The following LGSN variants were observed in gnomAD, a reference collection of about 807,000 sequenced individuals.
LGSN encodes lengsin.
Under a neutral mutation model 19.5 loss-of-function variants are expected in LGSN, and 21 were observed. That is an observed-to-expected ratio of 1.07 (90% CI 0.76 to 1.55). The LOEUF (loss-of-function observed/expected upper bound fraction) is 1.55. Ranked by LOEUF, LGSN falls within the 40% of genes most tolerant of loss-of-function variation. LGSN has a pLI of 0.00. For synonymous variants in LGSN, 257 were observed against 215.6 expected, an observed-to-expected ratio of 1.19 and a Z score of -1.68; for missense variants, 673 against 608.5, an observed-to-expected ratio of 1.11 and a Z score of -1.12.
At chr6:63,347,004 C>T in the LGSN span, among the ~76,000 whole-genome samples, 13 of 152,226 alleles carry the variant, frequency 8.5e-5, no homozygotes, top group East Asian at 1.5e-3. Flanking sequence ...TTCTGGTTAC[C>T]AGCCTCCATT....
chr6:63,359,457 T>C, the LGSN span, among the ~76,000 whole-genome samples: 3 of 152,246 alleles, frequency 2.0e-5, no homozygotes, highest in Non-Finnish European at 2.9e-5. Context: ...TGAATCCATC[T>C]GGTCCTGGAC....
At chr6:63,526,836 T>TA in the LGSN span, among the ~76,000 whole-genome samples, 2,273 of 131,086 alleles carry the variant, frequency 0.017, 31 homozygotes, top group African/African-American at 0.032. Context: ...TATATATATA[T>TA]TTATTTATTT....
chr6:63,498,284 T>C, the LGSN span, among the ~76,000 whole-genome samples: 1 of 151,980 alleles, frequency 6.6e-6, no homozygotes, highest in South Asian at 2.1e-4. Context: ...CAAAAGTATC[T>C]CACCTGATCA....
chr6:63,567,306 C>T, the LGSN span, among the ~76,000 whole-genome samples: 1 of 152,156 alleles, frequency 6.6e-6, no homozygotes. Context: ...ATGAAATGTA[C>T]TTGTTAAATA....
At chr6:63,309,285 A>T (rs1379863347) in intron 1 of LGSN, among the ~76,000 whole-genome samples, 8 of 152,108 alleles carry the variant, frequency 5.3e-5, no homozygotes, top group African/African-American at 1.9e-4. Flanking sequence ...TACAAAAATT[A>T]GCCGGGTGTG....
chr6:63,487,750 G>A, the LGSN span, among the ~76,000 whole-genome samples: 3 of 152,202 alleles, frequency 2.0e-5, no homozygotes, highest in Non-Finnish European at 4.4e-5. Flanking sequence ...GGAGGCCGAG[G>A]TGGGCGGATC....
chr6:63,393,835 G>A, the LGSN span, among the ~76,000 whole-genome samples: 38 of 152,210 alleles, frequency 2.5e-4, no homozygotes, highest in Middle Eastern at 6.8e-3. Context: ...CAAATCCCAG[G>A]TATATACCCC....
rs1280798886 is a variant in LGSN, at chr6:63,276,212, A to T, written c.*3809T>A. ...CAGGTGACTGGAGATATGTCAATAGACTGTTCTGTTTTACTGATAAGCTCA... is the reference window on the plus strand; with the variant it reads ...CAGGTGACTGGAGATATGTCAATAGTCTGTTCTGTTTTACTGATAAGCTCA... On this transcript the variant is annotated 3_prime_UTR_variant, in exon 4 of 4. Coordinates refer to ENST00000370657, the MANE Select transcript of LGSN (RefSeq NM_016571.3). 6.6e-6 allele frequency: 1 copy of T among 152,188 alleles called. No homozygotes were observed. Among genetic ancestry groups the T allele is most frequent in the Non-Finnish European group, 1.5e-5 (1 of 68,024 alleles). The allele number at this position is 152,188 out of a possible 1,614,324, so 9.4% of individuals were successfully genotyped here. A position where few individuals can be genotyped will look rare whatever the true frequency, so the allele number is the denominator to read the frequency against.
At chr6:63,551,647 G>A in the LGSN span, among the ~76,000 whole-genome samples, 23 of 151,870 alleles carry the variant, frequency 1.5e-4, no homozygotes, top group African/African-American at 2.7e-4. Flanking sequence ...TTAACTTGTC[G>A]TTTACATTAG....
chr6:63,547,569 G>A, the LGSN span, among the ~76,000 whole-genome samples: 10 of 136,998 alleles, frequency 7.3e-5, no homozygotes, highest in Non-Finnish European at 1.4e-4. Context: ...GCAGTGGTAC[G>A]ATCTTGGCTC....
chr6:63,552,551 T>TA, the LGSN span, among the ~76,000 whole-genome samples: 1 of 152,232 alleles, frequency 6.6e-6, no homozygotes, highest in Non-Finnish European at 1.5e-5. Flanking sequence ...AGATCCCATT[T>TA]GTTAATTTTG....
the LGSN span, among the ~76,000 whole-genome samples, chr6:63,465,771 A>G: frequency 4.6e-5 from 7 of 152,190 alleles, no homozygotes; most frequent in African/African-American, 1.7e-4. Flanking sequence ...ATAAAGTTAT[A>G]TTGATTAGTA....
the LGSN span, among the ~76,000 whole-genome samples, chr6:63,379,011 A>G: frequency 1.3e-5 from 2 of 152,176 alleles, no homozygotes; most frequent in African/African-American, 4.8e-5. Context: ...TTCCTCCCCT[A>G]TTACTTCTCC....
chr6:63,512,467 A>C, the LGSN span, among the ~76,000 whole-genome samples: 1 of 152,174 alleles, frequency 6.6e-6, no homozygotes, highest in Non-Finnish European at 1.5e-5. Context: ...TCTTGACATC[A>C]CATGAAGACC....
chr6:63,481,087 G>A, the LGSN span, among the ~76,000 whole-genome samples: 63 of 151,546 alleles, frequency 4.2e-4, no homozygotes, highest in African/African-American at 1.0e-3. Context: ...GAAGCTGGTG[G>A]CCATTATTCT....
chr6:63,412,853 G>A, the LGSN span, among the ~76,000 whole-genome samples: 6 of 144,696 alleles, frequency 4.1e-5, no homozygotes, highest in African/African-American at 1.6e-4. Flanking sequence ...AGGAAGGAAG[G>A]GAGAGAGAGA....
intron 1 of LGSN, among the ~76,000 whole-genome samples, chr6:63,311,095 A>G (rs1379801041): frequency 1.3e-5 from 2 of 152,146 alleles, no homozygotes; most frequent in African/African-American, 4.8e-5. Flanking sequence ...CTTGCTAGCC[A>G]TTGCTGTAAT....
chr6:63,350,161 A>AG, the LGSN span, among the ~76,000 whole-genome samples: 408 of 152,370 alleles, frequency 2.7e-3, 2 homozygotes, highest in Non-Finnish European at 4.6e-3. Context: ...TTAACTCATG[A>AG]GGAATGGTAA....
At chr6:63,298,548 G>A (rs577566451) in intron 1 of LGSN, among the ~76,000 whole-genome samples, 6 of 151,818 alleles carry the variant, frequency 4.0e-5, no homozygotes, top group Non-Finnish European at 7.4e-5. Context: ...AAAAATCTTC[G>A]GCTTAGTTGA....
Sources: allele counts gnomAD v4.1 joint callset (sites outside exome capture counted in the v4.1 genomes callset), GRCh38; gene constraint gnomAD v4.1.1; transcripts MANE v1.5; gene names NCBI Gene and HGNC (gene_info 2026-07-23, HGNC 2026-07-21).